Variants in CYYR1 observed in about 807,000 individuals in gnomAD.
CYYR1 encodes cysteine and tyrosine rich 1.
A neutral mutation model predicts 15.2 loss-of-function variants in CYYR1; 14 were observed. The ratio of observed to expected loss-of-function variants is 0.92; its 90% CI spans 0.61 to 1.44. The LOEUF (loss-of-function observed/expected upper bound fraction) is 1.44, where lower values mean the gene tolerates loss of function less well. CYYR1 is among the 40% of genes most tolerant of loss of function. The probability of loss-of-function intolerance (pLI) is 0.00; values close to 1 mark genes in which losing one functional copy is unlikely to be tolerated. For missense variants in CYYR1, 228 were observed against 209.5 expected, an observed-to-expected ratio of 1.09 and a Z score of -0.54; for synonymous variants, 80 against 77.4, an observed-to-expected ratio of 1.03 and a Z score of -0.18.
intron 2 of CYYR1, among the ~76,000 whole-genome samples, chr21:26,553,724 AG>A (rs754829962): frequency 5.9e-5 from 9 of 152,182 alleles, no homozygotes; most frequent in Admixed American, 1.3e-4. Context: ...TATGCTCAGT[AG>A]GAGGCAGAGC....
chr21:26,541,268 G>A (rs888552742), intron 2 of CYYR1, among the ~76,000 whole-genome samples: 2 of 151,970 alleles, frequency 1.3e-5, no homozygotes, highest in South Asian at 2.1e-4. Context: ...AAAACCTCAC[G>A]TATCCTATGT....
chr21:26,568,027 C>T (rs1162233677), intron 1 of CYYR1: 1 of 152,164 alleles, frequency 6.6e-6, no homozygotes, highest in Non-Finnish European at 1.5e-5. Flanking sequence ...AAAATAATTA[C>T]CTTTGTGAGA....
chr21:26,523,580 T>A (rs1006253831), intron 2 of CYYR1, among the ~76,000 whole-genome samples: 1 of 152,214 alleles, frequency 6.6e-6, no homozygotes, highest in Non-Finnish European at 1.5e-5. Context: ...TTTCTACCAC[T>A]CATTCACTCA....
At chr21:26,526,484 A>G (rs891840260) in intron 2 of CYYR1, among the ~76,000 whole-genome samples, 2 of 152,196 alleles carry the variant, frequency 1.3e-5, no homozygotes, top group Admixed American at 6.5e-5. Flanking sequence ...GTTAAAAAAA[A>G]TTAACCATTT....
intron 3 of CYYR1, among the ~76,000 whole-genome samples, chr21:26,478,299 T>A (rs2065128798): frequency 6.6e-6 from 1 of 151,016 alleles, no homozygotes; most frequent in South Asian, 2.1e-4. Context: ...GTGTATTAAA[T>A]CAGGGCAGAC....
intron 2 of CYYR1, among the ~76,000 whole-genome samples, chr21:26,534,258 G>T (rs1290709263): frequency 6.6e-6 from 1 of 152,078 alleles, no homozygotes; most frequent in Non-Finnish European, 1.5e-5. Context: ...TGCGTAATAA[G>T]GGCTTAACAA....
intron 2 of CYYR1, among the ~76,000 whole-genome samples, chr21:26,482,914 G>A (rs1482854095): frequency 6.6e-6 from 1 of 151,720 alleles, no homozygotes; most frequent in Admixed American, 6.6e-5. Flanking sequence ...ATATTTTCCA[G>A]GTCCTTTTGA....
rs2064991870 is a variant in CYYR1 at position 26,468,261 on chromosome 21, AG to A, written c.*239del. ...ACATTACTCTTCCCTGAATGTGCTT[AG>A]GTGGATCAGCAGATCTCTTAAAATG... On this transcript the variant is annotated 3_prime_UTR_variant, in exon 4 of 4. Coordinates refer to ENST00000652641, the MANE Select transcript of CYYR1 (RefSeq NM_001320768.2). 2 of 527,144 alleles carry A rather than the reference AG, an allele frequency of 3.8e-6. No homozygotes were observed. The highest frequency in any genetic ancestry group is 4.1e-5 in the South Asian group (2 of 49,324). 32.7% of individuals were successfully genotyped at this position (527,144 alleles called of 1,614,324 possible).
Position 26,502,187 on chromosome 21 carries a change from A to G in CYYR1, c.177-21758T>C, listed in dbSNP as rs536707303. ...AGTCTATGTAGGAAGGCAAAGTACT[A>G]AAGACAAAGATGTTCAGAAATTGAG... On this transcript the variant is annotated intron_variant, in intron 2 of 3. Transcript: ENST00000652641. Among the ~76,000 whole-genome samples the G allele has an allele frequency of 3.3e-5, 5 of 152,312 alleles. No homozygotes were observed. In the East Asian group the frequency reaches 9.6e-4, roughly 29 times the overall value.
chr21:26,471,038 G>T (rs1169346430), intron 3 of CYYR1: 1 of 152,192 alleles, frequency 6.6e-6, no homozygotes, highest in Non-Finnish European at 1.5e-5. Context: ...TGGAGGCTGG[G>T]CTACTCCAAG....
intron 2 of CYYR1, among the ~76,000 whole-genome samples, chr21:26,525,921 T>A (rs1489765671): frequency 6.6e-6 from 1 of 152,090 alleles, no homozygotes; most frequent in East Asian, 1.9e-4. Flanking sequence ...CAAGGAACAA[T>A]AAACCAAATA....
In CYYR1 at chr21:26,468,507, C is replaced by T. The variant is rs373523110; in HGVS notation, c.462G>A (p.Arg154=). 6.4e-7 allele frequency: 1 copy of T among 1,565,306 alleles called. No homozygotes were observed. Among genetic ancestry groups the T allele is most frequent in the Non-Finnish European group, 8.8e-7 (1 of 1,135,668 alleles). Residue 154 remains arginine, a synonymous_variant, in exon 4 of 4, where the codon AGG becomes AGA. Coordinates refer to ENST00000652641, the MANE Select transcript of CYYR1 (RefSeq NM_001320768.2). ...TTCTGTTCTGGGAGATAGATTATTT[C>T]CTTGCGTTTCCAGGATAAGGAGGGG... ...SPPPPYPGNA[R]K
At chr21:26,554,925 A>G (rs541470012) in intron 2 of CYYR1, among the ~76,000 whole-genome samples, 82 of 152,184 alleles carry the variant, frequency 5.4e-4, no homozygotes, top group Non-Finnish European at 1.0e-3. Flanking sequence ...TCAAAGCCCA[A>G]TGTTTTCATC....
At chr21:26,542,954 T>C (rs1378043718) in intron 2 of CYYR1, among the ~76,000 whole-genome samples, 3 of 152,226 alleles carry the variant, frequency 2.0e-5, no homozygotes, top group Non-Finnish European at 4.4e-5. Context: ...ATTTTCACAA[T>C]GTTTAGCCCA....
In CYYR1 at chr21:26,566,261, C is replaced by T; in HGVS notation, c.176+5G>A. ...TCAGTATTGCCAAATCTGACGAATA[C>T]TCACGAGAGGATATTCCCAATATAA... is the stretch of plus-strand genomic sequence containing the variant. On this transcript the variant is annotated splice_donor_5th_base_variant and intron_variant, in intron 2 of 3. Transcript: ENST00000652641. The T allele has an allele frequency of 6.2e-7, 1 of 1,607,440 alleles. No homozygotes were observed. The highest frequency in any genetic ancestry group is 1.1e-5 in the South Asian group (1 of 90,886).
intron 2 of CYYR1, among the ~76,000 whole-genome samples, chr21:26,500,124 C>T (rs1045887621): frequency 6.6e-6 from 1 of 152,034 alleles, no homozygotes; most frequent in Non-Finnish European, 1.5e-5. Context: ...AGAGAAGAAC[C>T]TTTGGTGGTT....
intron 2 of CYYR1, among the ~76,000 whole-genome samples, chr21:26,547,778 AC>A (rs1346664879): frequency 9.1e-4 from 60 of 66,130 alleles, no homozygotes; most frequent in African/African-American, 4.3e-3. Context: ...TTCTATTTCT[AC>A]TTTTTTTTTT....
rs1428670741 is a variant in CYYR1, at chr21:26,467,235, A to T, written c.*1266T>A. On this transcript the variant is annotated 3_prime_UTR_variant, in exon 4 of 4. Coordinates refer to ENST00000652641, the MANE Select transcript of CYYR1 (RefSeq NM_001320768.2). ...AATACATGAAACAATTCATATAAAA[A>T]TATAAATGTTAAGGTCACTCACAGC... The T allele has an allele frequency of 6.6e-6, 1 of 152,210 alleles. No homozygotes were observed. Among genetic ancestry groups the T allele is most frequent in the Non-Finnish European group, 1.5e-5 (1 of 68,034 alleles). 9.4% of individuals were successfully genotyped at this position (152,210 alleles called of 1,614,324 possible). A position where few individuals can be genotyped will look rare whatever the true frequency, so the allele number is the denominator to read the frequency against.
chr21:26,525,995 A>G (rs1455441434), intron 2 of CYYR1, among the ~76,000 whole-genome samples: 2 of 93,562 alleles, frequency 2.1e-5, no homozygotes, highest in East Asian at 4.6e-4. Context: ...GACAGGAACA[A>G]TGGACACTGG....
Sources: gnomAD v4.1 joint callset for allele counts (sites outside exome capture counted in the v4.1 genomes callset) on GRCh38, gnomAD v4.1.1 for gene constraint, MANE v1.5 for transcripts, NCBI Gene and HGNC (gene_info 2026-07-23, HGNC 2026-07-21) for gene names.